Variants in CFAP20DC observed in about 807,000 individuals in gnomAD.
CFAP20DC encodes protein CFAP20DC.
Under a neutral mutation model 101.7 loss-of-function variants are expected in CFAP20DC, and 84 were observed. The observed-to-expected ratio is 0.83, with a 90% CI of 0.69 to 0.99. The LOEUF is 0.99. Ranked by LOEUF, CFAP20DC falls within the 50% of genes least tolerant of loss-of-function variation. The probability of loss-of-function intolerance (pLI) is 0.00; values close to 1 mark genes in which losing one functional copy is unlikely to be tolerated. For missense variants in CFAP20DC, 1,007 were observed against 970.3 expected, an observed-to-expected ratio of 1.04 and a Z score of -0.50; for synonymous variants, 359 against 351.2, an observed-to-expected ratio of 1.02 and a Z score of -0.25.
rs535063299 is a variant in CFAP20DC at position 58,842,459 on chromosome 3, G to T, written c.1971+6573C>A. Reference sequence around the variant, plus strand: ...CCCGAATATTGCGCTTTTCAGACCGGCTTAAAAAACGGCGCACCACGAGAC... The same window carrying T: ...CCCGAATATTGCGCTTTTCAGACCGTCTTAAAAAACGGCGCACCACGAGAC... On this transcript the variant is annotated intron_variant, in intron 13 of 16. Transcript: ENST00000482387. Among the ~76,000 whole-genome samples the T allele has an allele frequency of 2.0e-5, 3 of 152,216 alleles. No homozygotes were observed. In the East Asian group the frequency reaches 5.8e-4, roughly 29 times the overall value.
chr3:58,797,657 A>G (rs1227913006), intron 15 of CFAP20DC, among the ~76,000 whole-genome samples: 1 of 152,212 alleles, frequency 6.6e-6, no homozygotes, highest in Non-Finnish European at 1.5e-5. Context: ...AATGTAGACA[A>G]AACAGTCTTC....
At position 58,721,406 on chromosome 3, in the gene CFAP20DC, A is replaced by G. The variant is rs2067471509; in HGVS notation, c.198-3778T>C. ...ACATTTTTTAAAAATTACAACCATG[A>G]TAGGGTACCTAGTGCTATGAATATT... On this transcript the variant is annotated intron_variant, in intron 3 of 3. Coordinates refer to the CFAP20DC transcript ENST00000486145. This position sits in a 1 kb window ranked among gnomAD's most constrained non-coding sequence, Gnocchi z 5.2. 6.6e-6 allele frequency among the ~76,000 whole-genome samples: 1 copy of G among 152,130 alleles called. No individual in the cohort carries two copies. The highest frequency in any genetic ancestry group is 1.5e-5 in the Non-Finnish European group (1 of 68,026).
downstream of CFAP20DC, chr3:58,737,093 C>G (rs3752818): frequency 0.077 from 32,120 of 418,414 alleles, 2,339 homozygotes; most frequent in East Asian, 0.36. The surrounding 1 kb of genome is among the most constrained non-coding windows in gnomAD (Gnocchi z 4.1). Context: ...TAAAATATGA[C>G]AAAGAAAATA....
chr3:58,948,082 G>C (rs776921298), intron 4 of CFAP20DC, among the ~76,000 whole-genome samples: 1 of 152,220 alleles, frequency 6.6e-6, no homozygotes, highest in African/African-American at 2.4e-5. Context: ...GAGGCTCTAG[G>C]GTGCACTTGC....
At chr3:58,873,503 A>G (rs1485795260) in intron 7 of CFAP20DC, among the ~76,000 whole-genome samples, 1 of 147,048 alleles carries the variant, frequency 6.8e-6, no homozygotes, top group Non-Finnish European at 1.5e-5. Context: ...GCTGTCAGGC[A>G]GGTGTTCAAG....
At position 58,882,670 on chromosome 3, in the gene CFAP20DC, T is replaced by C. The variant is rs559557397; in HGVS notation, c.715+1875A>G. ...TAGTCAGATCTTTTTAATCCTTTTA[T>C]GTATTTATTTTCTCAAGGCTCTTTA... On this transcript the variant is annotated intron_variant, in intron 7 of 16. Coordinates refer to ENST00000482387, the MANE Select transcript of CFAP20DC (RefSeq NM_001394063.1). This position sits in a 1 kb window ranked among gnomAD's most constrained non-coding sequence, Gnocchi z 4.2. Among the ~76,000 whole-genome samples the C allele has an allele frequency of 6.8e-6, 1 of 148,090 alleles. No individual in the cohort carries two copies. Among genetic ancestry groups the C allele is most frequent in the East Asian group, 1.9e-4 (1 of 5,196 alleles).
intron 4 of CFAP20DC, among the ~76,000 whole-genome samples, chr3:58,969,311 G>C (rs1480226662): frequency 1.3e-5 from 2 of 152,178 alleles, no homozygotes; most frequent in Non-Finnish European, 2.9e-5. Context: ...CCACTGGGAT[G>C]GGTATAATAA....
chr3:58,738,180 TC>T (rs2067801084), downstream of CFAP20DC, among the ~76,000 whole-genome samples: 1 of 152,004 alleles, frequency 6.6e-6, no homozygotes, highest in South Asian at 2.1e-4. This position sits in a 1 kb window ranked among gnomAD's most constrained non-coding sequence, Gnocchi z 4.4. Flanking sequence ...AACAGGCAAT[TC>T]TTTTTTTTTA....
intron 4 of CFAP20DC, among the ~76,000 whole-genome samples, chr3:58,949,725 T>C (rs1180350136): frequency 1.3e-5 from 2 of 152,192 alleles, no homozygotes; most frequent in African/African-American, 4.8e-5. Context: ...AAACCCTTCA[T>C]GCTAAAAACT....
At chr3:58,923,876 A>G (rs922033168) in intron 5 of CFAP20DC, among the ~76,000 whole-genome samples, 1 of 152,060 alleles carries the variant, frequency 6.6e-6, no homozygotes, top group African/African-American at 2.4e-5. Flanking sequence ...TACATACTAG[A>G]CTGTGTGATA....
At chr3:58,936,409 C>A (rs1255551052) in intron 5 of CFAP20DC, among the ~76,000 whole-genome samples, 1 of 152,174 alleles carries the variant, frequency 6.6e-6, no homozygotes, top group African/African-American at 2.4e-5. Flanking sequence ...TTTGACCCAG[C>A]CATCCCATTA....
Position 58,849,031 on chromosome 3 carries a change from C to G in CFAP20DC, c.1971+1G>C, listed in dbSNP as rs1488547918. The G allele has an allele frequency of 6.5e-7, 1 of 1,534,774 alleles. No individual in the cohort carries two copies. On this transcript the variant is annotated splice_donor_variant, in intron 13 of 16. Coordinates refer to ENST00000482387, the MANE Select transcript of CFAP20DC (RefSeq NM_001394063.1). LOFTEE classifies it high-confidence loss of function. The stretch of plus-strand genomic sequence containing the variant: ...CTGTAAACCACACGGGAACCACTTA[C>G]AGATGCTTCGGGGATCGAGCTCAGC...
At chr3:58,776,232 T>C (rs572094916) in intron 15 of CFAP20DC, among the ~76,000 whole-genome samples, 13 of 152,158 alleles carry the variant, frequency 8.5e-5, no homozygotes, top group Non-Finnish European at 1.9e-4. Flanking sequence ...GGCCAGAATA[T>C]GCCACTCCCA....
intron 14 of CFAP20DC, among the ~76,000 whole-genome samples, chr3:58,830,617 T>G (rs2076332983): frequency 6.6e-6 from 1 of 152,200 alleles, no homozygotes; most frequent in Admixed American, 6.5e-5. Flanking sequence ...AAAACCTAAC[T>G]TATCCGCGTC....
intron 4 of CFAP20DC, among the ~76,000 whole-genome samples, chr3:59,012,082 G>A (rs1161413084): frequency 6.6e-6 from 1 of 152,110 alleles, no homozygotes; most frequent in East Asian, 1.9e-4. Context: ...AGTCTATTAA[G>A]AAAGACAGAC....
chr3:58,811,584 C>T (rs1181171702), intron 14 of CFAP20DC, among the ~76,000 whole-genome samples: 1 of 152,064 alleles, frequency 6.6e-6, no homozygotes, highest in East Asian at 1.9e-4. Context: ...AAACGTTAGA[C>T]CTAAAACCAT....
At chr3:58,739,182 T>G (rs1575524354), downstream of CFAP20DC, among the ~76,000 whole-genome samples, 1 of 152,310 alleles carries the variant, frequency 6.6e-6, no homozygotes, top group East Asian at 1.9e-4. Flanking sequence ...TAGCAAGAAC[T>G]TATAATTACC....
intron 4 of CFAP20DC, among the ~76,000 whole-genome samples, chr3:59,029,428 A>G (rs557743892): frequency 6.6e-6 from 1 of 152,296 alleles, no homozygotes; most frequent in African/African-American, 2.4e-5. Flanking sequence ...TGAAGAAGGG[A>G]CACTTAAGCT....
intron 12 of CFAP20DC, among the ~76,000 whole-genome samples, chr3:58,856,025 G>T (rs966460076): frequency 6.6e-6 from 1 of 150,754 alleles, no homozygotes; most frequent in Non-Finnish European, 1.5e-5. Flanking sequence ...AGGAATGACT[G>T]TAGGAAAAAA....
Sources: allele counts gnomAD v4.1 joint callset (sites outside exome capture counted in the v4.1 genomes callset), GRCh38; gene constraint gnomAD v4.1.1; non-coding constraint Gnocchi (gnomAD v3.1); transcripts MANE v1.5; gene names NCBI Gene and HGNC (gene_info 2026-07-23, HGNC 2026-07-21).